Variants in GANC observed in about 807,000 individuals in gnomAD.
The protein encoded by GANC is neutral alpha-glucosidase C.
In GANC, 117 loss-of-function variants were observed where a neutral mutation model predicts 124.2. The observed-to-expected ratio is 0.94, with a 90% CI of 0.81 to 1.10. The LOEUF (loss-of-function observed/expected upper bound fraction) is 1.10, where lower values mean the gene tolerates loss of function less well. Among genes scored for constraint, GANC ranks in the 50% least tolerant of loss-of-function variants. The pLI is 0.00. For missense variants in GANC, 1,140 were observed against 1,095.0 expected, an observed-to-expected ratio of 1.04 and a Z score of -0.58; for synonymous variants, 377 against 376.8, an observed-to-expected ratio of 1.00 and a Z score of -0.01.
At position 42,316,883 on chromosome 15, in the gene GANC, A is replaced by C. The variant is rs76266596; in HGVS notation, c.1058-4902A>C. On this transcript the variant is annotated intron_variant, in intron 10 of 23. Coordinates refer to ENST00000318010, the MANE Select transcript of GANC (RefSeq NM_198141.3). Reference sequence around the variant, plus strand: ...GGGCTCACCTCTTGCCTTCTAGGTCACTTCTCACAATGTCCCTTGAGTACC... The same window carrying C: ...GGGCTCACCTCTTGCCTTCTAGGTCCCTTCTCACAATGTCCCTTGAGTACC... Among the ~76,000 whole-genome samples the C allele has an allele frequency of 3.9e-3, 596 of 152,304 alleles. 21 individuals are homozygous for C. The East Asian group carries it at 0.055, about 14-fold the overall frequency.
At chr15:42,275,542 A>G (rs928594076) in intron 1 of GANC, among the ~76,000 whole-genome samples, 1 of 151,522 alleles carries the variant, frequency 6.6e-6, no homozygotes, top group Non-Finnish European at 1.5e-5. Context: ...TGCTGACTAC[A>G]GATGCATTCG....
intron 14 of GANC, among the ~76,000 whole-genome samples, chr15:42,330,095 CT>C (rs1448418894): frequency 3.3e-5 from 5 of 152,148 alleles, no homozygotes; most frequent in South Asian, 2.1e-4. Context: ...CCAATGGGAT[CT>C]TTTGGCTAAA....
At chr15:42,303,869 C>A (rs1429699505) in intron 6 of GANC, among the ~76,000 whole-genome samples, 2 of 152,098 alleles carry the variant, frequency 1.3e-5, no homozygotes, top group African/African-American at 4.8e-5. Flanking sequence ...TTCTTAGAGA[C>A]CTACAAAGAG....
intron 4 of GANC, among the ~76,000 whole-genome samples, chr15:42,291,776 G>A (rs1473470552): frequency 6.6e-6 from 1 of 152,150 alleles, no homozygotes; most frequent in Non-Finnish European, 1.5e-5. Context: ...GGGGCAGTAA[G>A]CAATTTATGG....
At position 42,273,429 on chromosome 15, in the gene GANC, A is replaced by T. The variant is rs1315435542; in HGVS notation, c.-1053A>T. On this transcript the variant is annotated 5_prime_UTR_variant, in exon 1 of 24. Transcript: ENST00000318010. The stretch of plus-strand genomic sequence containing the variant: ...CAGCCGTGGAGTGCCTACCGAAAGC[A>T]TTTCACCCTCTTCCGGTTCGTCCCG... The T allele has an allele frequency of 6.2e-7, 1 of 1,612,456 alleles. No individual in the cohort carries two copies. The highest frequency in any genetic ancestry group is 8.5e-7 in the Non-Finnish European group (1 of 1,179,488).
Position 42,274,007 on chromosome 15 carries a change from G to A in GANC, c.-475G>A. The A allele has an allele frequency of 4.4e-6, 1 of 225,008 alleles. No individual in the cohort carries two copies. Among genetic ancestry groups the A allele is most frequent in the East Asian group, 1.7e-4 (1 of 6,052 alleles). The allele number at this position is 225,008 out of a possible 1,614,324, so 13.9% of individuals were successfully genotyped here. ...CTAGCCTCCAGCAAAGACCCGGCCGGCACTTCCCACCCTTAACCGAAAACG... is the reference window on the plus strand; with the variant it reads ...CTAGCCTCCAGCAAAGACCCGGCCGACACTTCCCACCCTTAACCGAAAACG... On this transcript the variant is annotated 5_prime_UTR_variant, in exon 1 of 24. Transcript: ENST00000318010.
chr15:42,351,943 G>A (rs2141090036), intron 23 of GANC, 87 bp from the exon 24 acceptor site: 2 of 1,532,114 alleles, frequency 1.3e-6, no homozygotes, highest in East Asian at 2.3e-5. Flanking sequence ...TTATGATACA[G>A]TGAGAAAACA....
chr15:42,277,727 A>G (rs1297378805), intron 2 of GANC, among the ~76,000 whole-genome samples: 1 of 151,536 alleles, frequency 6.6e-6, no homozygotes, highest in Non-Finnish European at 1.5e-5. Context: ...CAGCCTCCCG[A>G]CTAGCTGGGA....
In GANC at chr15:42,321,878, G is replaced by C. The variant is rs755295136; in HGVS notation, c.1151G>C (p.Gly384Ala). ...DEQDVKAVDA[G>A]FDEHDIPYDA... ...CAGGATGTAAAAGCAGTGGATGCAGGGTTTGATGAGCATGACATTCCTTAT... is the reference window on the plus strand; with the variant it reads ...CAGGATGTAAAAGCAGTGGATGCAGCGTTTGATGAGCATGACATTCCTTAT... Residue 384 changes from glycine to alanine, a missense_variant, in exon 11 of 24, where the codon GGG becomes GCG. Physicochemically the swap from Gly to Ala is moderately conservative, Grantham distance 60 (BLOSUM62 0). Coordinates refer to ENST00000318010, the MANE Select transcript of GANC (RefSeq NM_198141.3). 82 of 1,614,072 alleles carry C rather than the reference G, an allele frequency of 5.1e-5. No homozygotes were observed. Among genetic ancestry groups the C allele is most frequent in the Non-Finnish European group, 6.6e-5 (78 of 1,180,036 alleles).
At chr15:42,282,326 A>G (rs115674958) in intron 3 of GANC, among the ~76,000 whole-genome samples, 2,541 of 152,288 alleles carry the variant, frequency 0.017, 75 homozygotes, top group African/African-American at 0.059. Context: ...TGTCTCAAAA[A>G]AAAAAATTTT....
chr15:42,312,379 G>A (rs533881116), intron 10 of GANC, among the ~76,000 whole-genome samples: 1 of 152,314 alleles, frequency 6.6e-6, no homozygotes, highest in East Asian at 1.9e-4. Context: ...GATAGTGAAT[G>A]AGTCTCATGA....
At chr15:42,344,278 G>T (rs959053405) in intron 19 of GANC, among the ~76,000 whole-genome samples, 6 of 152,160 alleles carry the variant, frequency 3.9e-5, no homozygotes, top group African/African-American at 1.4e-4. Context: ...TCTTCTGGAG[G>T]CCCTGAGGGA....
At chr15:42,302,541 A>G (rs1298371736) in intron 6 of GANC, among the ~76,000 whole-genome samples, 1 of 152,174 alleles carries the variant, frequency 6.6e-6, no homozygotes, top group Non-Finnish European at 1.5e-5. Context: ...GAAGGTGGGT[A>G]ATAACAAACT....
At chr15:42,282,424 G>A (rs2051743276) in intron 3 of GANC, among the ~76,000 whole-genome samples, 1 of 152,176 alleles carries the variant, frequency 6.6e-6, no homozygotes, top group African/African-American at 2.4e-5. Flanking sequence ...GTATGAGTGT[G>A]ATCTGAAGTT....
chr15:42,321,398 C>A (rs1002765950), intron 10 of GANC, among the ~76,000 whole-genome samples: 7 of 152,140 alleles, frequency 4.6e-5, no homozygotes, highest in African/African-American at 1.7e-4. Flanking sequence ...TTTCTGTTCC[C>A]TGTGCCCGGA....
chr15:42,318,074 C>T (rs1052831569), intron 10 of GANC, among the ~76,000 whole-genome samples: 2 of 152,204 alleles, frequency 1.3e-5, no homozygotes, highest in Non-Finnish European at 2.9e-5. Flanking sequence ...CAGTCTACTT[C>T]TTTCCCTGGA....
intron 3 of GANC, among the ~76,000 whole-genome samples, chr15:42,279,716 A>G (rs1218292038): frequency 6.6e-6 from 1 of 152,118 alleles, no homozygotes; most frequent in Non-Finnish European, 1.5e-5. Flanking sequence ...TTAACTGGTA[A>G]TTCATATCAC....
At chr15:42,334,437 C>G (rs2052268919) in intron 15 of GANC, among the ~76,000 whole-genome samples, 1 of 152,182 alleles carries the variant, frequency 6.6e-6, no homozygotes, top group African/African-American at 2.4e-5. Context: ...GCTGGGATTA[C>G]AGGCGTGAGC....
intron 16 of GANC, among the ~76,000 whole-genome samples, chr15:42,339,305 AACACACACACACACACACACACACACAC>A (rs60116980): frequency 1.7e-5 from 2 of 119,250 alleles, no homozygotes; most frequent in African/African-American, 3.2e-5. Flanking sequence ...ACCCCCCTCC[AACACACACACACACACACACACACACAC>A]ACACACACAC....
Sources: gnomAD v4.1 joint callset for allele counts (sites outside exome capture counted in the v4.1 genomes callset) on GRCh38, gnomAD v4.1.1 for gene constraint, MANE v1.5 for transcripts, NCBI Gene and HGNC (gene_info 2026-07-23, HGNC 2026-07-21) for gene names.